EML1: variants seen among roughly 807,000 people sequenced by gnomAD.
The protein encoded by EML1 is echinoderm microtubule-associated protein-like 1.
In EML1, 27 loss-of-function variants were observed where a neutral mutation model predicts 110.4. The ratio of observed to expected loss-of-function variants is 0.24; its 90% CI spans 0.18 to 0.34. EML1 has a LOEUF of 0.34. Ranked by LOEUF, EML1 falls within the 10% of genes least tolerant of loss-of-function variation. The pLI is 1.00. For synonymous variants in EML1, 344 were observed against 385.8 expected, an observed-to-expected ratio of 0.89 and a Z score of 1.27; for missense variants, 741 against 1,030.9, an observed-to-expected ratio of 0.72 and a Z score of 3.85.
intron 3 of EML1, among the ~76,000 whole-genome samples, chr14:99,875,222 TAGAG>T (rs2059270083): frequency 6.6e-6 from 1 of 152,208 alleles, no homozygotes; most frequent in Admixed American, 6.5e-5. Flanking sequence ...AGGGGCCTAA[TAGAG>T]AGAACACAGG....
chr14:99,820,122 A>G (rs2058237604), intron 1 of EML1, among the ~76,000 whole-genome samples: 1 of 152,238 alleles, frequency 6.6e-6, no homozygotes, highest in Non-Finnish European at 1.5e-5. Context: ...ACTTGGCAGC[A>G]AGAGTTTTAA....
At chr14:99,870,093 C>A (rs888421702) in intron 3 of EML1, among the ~76,000 whole-genome samples, 6 of 152,270 alleles carry the variant, frequency 3.9e-5, no homozygotes, top group East Asian at 1.9e-4. Context: ...AGAAAAAGTT[C>A]TTGAAGGAAA....
chr14:99,739,249 C>T (rs942718045), intron 1 of EML1, among the ~76,000 whole-genome samples: 19 of 151,874 alleles, frequency 1.3e-4, no homozygotes, highest in Admixed American at 3.3e-4. Context: ...GCCGGGGCTG[C>T]GGGAGCCCCG....
At chr14:99,890,944 CT>C (rs2059576879) in intron 4 of EML1, among the ~76,000 whole-genome samples, 1 of 152,084 alleles carries the variant, frequency 6.6e-6, no homozygotes, top group Admixed American at 6.5e-5. Flanking sequence ...CCCCGAAACA[CT>C]TACTTGCAGT....
rs1422752123 is a variant in EML1, at chr14:99,853,795, G to A, written c.250+2760G>A. Among the ~76,000 whole-genome samples the A allele has an allele frequency of 3.9e-5, 6 of 152,050 alleles. No individual in the cohort carries two copies. The South Asian group carries it at 6.2e-4, about 16-fold the overall frequency. ...AGCGATTCTCCAGCCTCAGCTTCCC[G>A]AGTTGCTGGGACTACAGGCACACGC... is the stretch of plus-strand genomic sequence containing the variant. On this transcript the variant is annotated intron_variant, in intron 2 of 21. Coordinates refer to ENST00000262233, the MANE Select transcript of EML1 (RefSeq NM_004434.3).
intron 7 of EML1, among the ~76,000 whole-genome samples, chr14:99,897,686 T>A (rs2059694633): frequency 6.6e-6 from 1 of 152,210 alleles, no homozygotes; most frequent in Admixed American, 6.5e-5. Flanking sequence ...ACACATCATG[T>A]ATTAAAGGCT....
At chr14:99,933,664 T>A (rs1234866787) in intron 17 of EML1, among the ~76,000 whole-genome samples, 2 of 152,272 alleles carry the variant, frequency 1.3e-5, no homozygotes, top group African/African-American at 4.8e-5. Context: ...TAGTTTATTG[T>A]ACACGCCTCA....
chr14:99,810,008 G>C, intron 1 of EML1, among the ~76,000 whole-genome samples: 1 of 152,318 alleles, frequency 6.6e-6, no homozygotes, highest in East Asian at 1.9e-4. Context: ...CCTGTACCGC[G>C]TCTGGTTCCT....
upstream of EML1, among the ~76,000 whole-genome samples, chr14:99,790,650 T>C (rs1484007525): frequency 1.3e-5 from 2 of 152,170 alleles, no homozygotes; most frequent in Admixed American, 6.5e-5. Flanking sequence ...AACACTGGAA[T>C]AGACAGATGG....
chr14:99,909,813 C>T (rs892189242), intron 11 of EML1, among the ~76,000 whole-genome samples: 12 of 152,118 alleles, frequency 7.9e-5, no homozygotes, highest in Non-Finnish European at 1.2e-4. Context: ...TTTGTCTGGA[C>T]GTTGTGGGGC....
At chr14:99,908,506 T>A (rs2059893751) in intron 10 of EML1, among the ~76,000 whole-genome samples, 1 of 152,220 alleles carries the variant, frequency 6.6e-6, no homozygotes, top group Non-Finnish European at 1.5e-5. Flanking sequence ...CTGTGTTCAT[T>A]CCCTAGCCCC....
At chr14:99,852,007 C>A (rs1023974217) in intron 2 of EML1, among the ~76,000 whole-genome samples, 1 of 152,164 alleles carries the variant, frequency 6.6e-6, no homozygotes, top group African/African-American at 2.4e-5. Context: ...AAATTTAAGT[C>A]ATCATTTCAT....
At chr14:99,820,363 C>T (rs779411655) in intron 1 of EML1, among the ~76,000 whole-genome samples, 2 of 152,164 alleles carry the variant, frequency 1.3e-5, no homozygotes, top group Non-Finnish European at 2.9e-5. Flanking sequence ...CTGCATTGCT[C>T]AGCGGAGAGG....
intron 1 of EML1, among the ~76,000 whole-genome samples, chr14:99,745,066 C>A (rs1048818711): frequency 6.6e-6 from 1 of 152,062 alleles, no homozygotes; most frequent in Non-Finnish European, 1.5e-5. Flanking sequence ...GCTGGTTCTC[C>A]CAGTTGACTT....
intron 2 of EML1, among the ~76,000 whole-genome samples, chr14:99,854,951 T>C (rs1366243919): frequency 6.6e-6 from 1 of 152,080 alleles, no homozygotes; most frequent in Non-Finnish European, 1.5e-5. Context: ...AAATGATGGA[T>C]GAGTAAGGGA....
chr14:99,819,154 A>C (rs771531680), intron 1 of EML1, among the ~76,000 whole-genome samples: 1 of 152,020 alleles, frequency 6.6e-6, no homozygotes, highest in Non-Finnish European at 1.5e-5. Flanking sequence ...GGGTCTTGCT[A>C]TGTTGCCCAG....
chr14:99,834,964 T>C (rs2058515796), intron 1 of EML1, among the ~76,000 whole-genome samples: 1 of 151,142 alleles, frequency 6.6e-6, no homozygotes, highest in African/African-American at 2.4e-5. Context: ...GGACTAGAGG[T>C]GTGCACCACC....
chr14:99,797,515 G>A (rs1595294887), intron 1 of EML1, among the ~76,000 whole-genome samples: 2 of 152,270 alleles, frequency 1.3e-5, no homozygotes, highest in African/African-American at 4.8e-5. Flanking sequence ...ACATTTTTAG[G>A]AACCAGTCTT....
At chr14:99,777,316 C>T (rs1157468176) in intron 1 of EML1, among the ~76,000 whole-genome samples, 2 of 152,176 alleles carry the variant, frequency 1.3e-5, no homozygotes, top group East Asian at 3.8e-4. Flanking sequence ...CCTCATTTCC[C>T]ACGCCATCCC....
Sources: gnomAD v4.1 joint callset for allele counts (sites outside exome capture counted in the v4.1 genomes callset) on GRCh38, gnomAD v4.1.1 for gene constraint, MANE v1.5 for transcripts, NCBI Gene and HGNC (gene_info 2026-07-23, HGNC 2026-07-21) for gene names.